Variants in PPP1R12C observed in about 807,000 individuals in gnomAD.
The protein encoded by PPP1R12C is protein phosphatase 1 regulatory subunit 12C, also known as leukocyte receptor cluster (LRC) encoded novel gene 3.
PPP1R12C carries 48 observed loss-of-function variants against 95.6 expected under a neutral mutation model. That is an observed-to-expected ratio of 0.50 (90% confidence interval 0.40 to 0.64). PPP1R12C has a LOEUF of 0.64. Among genes scored for constraint, PPP1R12C ranks in the 30% least tolerant of loss-of-function variants. The pLI, the probability that PPP1R12C is intolerant of heterozygous loss-of-function variation, is 0.00. For synonymous variants in PPP1R12C, 480 were observed against 460.8 expected (o/e 1.04, Z -0.53); for missense variants, 1,057 against 1,083.3 (o/e 0.98, Z 0.34).
At chr19:55,101,758 G>A (rs2084982166) in intron 4 of PPP1R12C, among the ~76,000 whole-genome samples, 1 of 152,170 alleles carries the variant, frequency 6.6e-6, no homozygotes, top group Admixed American at 6.5e-5. Flanking sequence ...TCAGGGATGG[G>A]CCCAGTCAGC....
At chr19:55,116,982 G>A (rs1444128953) in intron 1 of PPP1R12C, among the ~76,000 whole-genome samples, 1 of 152,142 alleles carries the variant, frequency 6.6e-6, no homozygotes, top group Non-Finnish European at 1.5e-5. Context: ...GAGGCCTGGG[G>A]CAGAGTGGTC....
chr19:55,091,426 G>T lies in PPP1R12C; in HGVS notation c.*46C>A. On this transcript the variant is annotated 3_prime_UTR_variant, in exon 22 of 22. Coordinates refer to ENST00000263433, the MANE Select transcript of PPP1R12C (RefSeq NM_017607.4). Reference sequence around the variant, plus strand: ...TTCACACGGGGGAAGGGGTGCGTGTGGCAGAAGCAGCTGTATAAATACGGG... The same window carrying T: ...TTCACACGGGGGAAGGGGTGCGTGTTGCAGAAGCAGCTGTATAAATACGGG... 6.4e-7 allele frequency: 1 copy of T among 1,553,586 alleles called. No homozygotes were observed. Among genetic ancestry groups the T allele is most frequent in the East Asian group, 2.3e-5 (1 of 44,054 alleles).
intron 13 of PPP1R12C, 32 bp from the exon 14 acceptor site, chr19:55,093,265 T>C: frequency 2.5e-6 from 4 of 1,599,078 alleles, no homozygotes; most frequent in Non-Finnish European, 3.4e-6. Flanking sequence ...CAGGGGACGC[T>C]GGGGTCAGGG....
At position 55,091,576 on chromosome 19, in the gene PPP1R12C, TCAGCTGGG is replaced by T. The variant is rs1392591897; in HGVS notation, c.2263-26_2263-19del. ...GACAGGGCCTGGGGGACGGCAAGGG[TCAGCTGGG>T]CAGCCCTGGCGGGTTGCACCCCCAC... On this transcript the variant is annotated intron_variant, in intron 21 of 21. Coordinates refer to ENST00000263433, the MANE Select transcript of PPP1R12C (RefSeq NM_017607.4). 6.2e-7 allele frequency: 1 copy of T among 1,612,608 alleles called. No homozygotes were observed. Among genetic ancestry groups the T allele is most frequent in the Admixed American group, 1.7e-5 (1 of 59,984 alleles).
chr19:55,091,489 T>C lies in PPP1R12C; in HGVS notation c.2332A>G (p.Ser778Gly). Residue 778 changes from serine (S) to glycine (G), a missense_variant, in exon 22 of 22, where the codon AGC (serine) becomes GGC (glycine). Coordinates refer to ENST00000263433, the MANE Select transcript of PPP1R12C (RefSeq NM_017607.4). The stretch of plus-strand genomic sequence containing the variant: ...CCTCCGGGTCACTTGGAGAGTTTGC[T>C]GATGACGCGGATCAACGCTGCATTC... Reference protein sequence around the residue: ...DENAALIRVISKLSK With the variant: ...DENAALIRVIGKLSK The C allele has an allele frequency of 6.2e-7, 1 of 1,614,050 alleles. No individual in the cohort carries two copies. Among genetic ancestry groups the C allele is most frequent in the Non-Finnish European group, 8.5e-7 (1 of 1,179,968 alleles).
chr19:55,117,631 G>A lies in PPP1R12C; in HGVS notation c.-88C>T. ...CCGCCCGCCCGCCCCGGGGGCCGCC[G>A]GGAACTGCCGCTGGCCCCCCACCGC... On this transcript the variant is annotated 5_prime_UTR_variant, in exon 1 of 22. Coordinates refer to ENST00000263433, the MANE Select transcript of PPP1R12C (RefSeq NM_017607.4). 5 of 777,006 alleles carry A rather than the reference G, an allele frequency of 6.4e-6. No individual in the cohort carries two copies. Among genetic ancestry groups the A allele is most frequent in the Non-Finnish European group, 7.4e-6 (5 of 675,972 alleles). 48.1% of individuals were successfully genotyped at this position (777,006 alleles called of 1,614,324 possible). A position where few individuals can be genotyped will look rare whatever the true frequency, so the allele number is the denominator to read the frequency against.
At chr19:55,095,963 A>G in intron 8 of PPP1R12C, 23 bp from the exon 9 acceptor site, 2 of 1,610,516 alleles carry the variant, frequency 1.2e-6, no homozygotes, top group Non-Finnish European at 1.7e-6. Context: ...AACACCGGGC[A>G]GGTCACAGAA....
intron 6 of PPP1R12C, 25 bp from the exon 7 acceptor site, chr19:55,096,360 G>A (rs2084912906): frequency 6.2e-7 from 1 of 1,610,536 alleles, no homozygotes; most frequent in South Asian, 1.1e-5. Context: ...GGGGGCTGCA[G>A]GGGAGGGGTG....
chr19:55,113,701 AG>A, intron 1 of PPP1R12C: 1 of 909,644 alleles, frequency 1.1e-6, no homozygotes. Flanking sequence ...AGGAGGCGGG[AG>A]GGAGCTACGA....
chr19:55,110,973 A>C (rs968755662), intron 3 of PPP1R12C, among the ~76,000 whole-genome samples: 1 of 152,020 alleles, frequency 6.6e-6, no homozygotes, highest in Non-Finnish European at 1.5e-5. Flanking sequence ...ATAGGAAAAA[A>C]TGTGTTTATG....
At position 55,117,398 on chromosome 19, in the gene PPP1R12C, A is replaced by T; in HGVS notation, c.146T>A (p.Phe49Tyr). ...CGCCAGGAACTCGGCGGCGCGCTCGAAGCGGACGGTGCGGGCGCGGCGCTC... is the reference window on the plus strand; with the variant it reads ...CGCCAGGAACTCGGCGGCGCGCTCGTAGCGGACGGTGCGGGCGCGGCGCTC... ...PGERRARTVRFERAAEFLAAC... is the reference protein window; with the variant it reads ...PGERRARTVRYERAAEFLAAC... Residue 49 changes from phenylalanine to tyrosine, a missense_variant, in exon 1 of 22, where the codon TTC becomes TAC. Phe to Tyr is a conservative substitution (Grantham distance 22, BLOSUM62 3). Coordinates refer to ENST00000263433, the MANE Select transcript of PPP1R12C (RefSeq NM_017607.4). 1 of 1,052,852 alleles carries T rather than the reference A, an allele frequency of 9.5e-7. No individual in the cohort carries two copies. Among genetic ancestry groups the T allele is most frequent in the Non-Finnish European group, 1.1e-6 (1 of 875,982 alleles). The allele number at this position is 1,052,852 out of a possible 1,614,324, so 65.2% of individuals were successfully genotyped here. A position where few individuals can be genotyped will look rare whatever the true frequency, so the allele number is the denominator to read the frequency against.
intron 20 of PPP1R12C, 64 bp from the exon 21 acceptor site, chr19:55,091,764 G>T: frequency 1.2e-6 from 2 of 1,612,422 alleles, no homozygotes; most frequent in Non-Finnish European, 1.7e-6. Flanking sequence ...AAGGCCAGGG[G>T]CCAGCTGGGA....
At chr19:55,100,862 T>C (rs1331884806) in intron 4 of PPP1R12C, among the ~76,000 whole-genome samples, 1 of 152,136 alleles carries the variant, frequency 6.6e-6, no homozygotes, top group African/African-American at 2.4e-5. Context: ...TCCGCCTGCC[T>C]CGACCTCCCA....
chr19:55,098,665 TAGC>T (rs749989445), intron 6 of PPP1R12C, 116 bp downstream of exon 6: 3 of 1,263,266 alleles, frequency 2.4e-6, no homozygotes, highest in Non-Finnish European at 3.4e-6. Flanking sequence ...AAGAGGGAAA[TAGC>T]AGGTCGCTGG....
chr19:55,112,710 G>C lies in PPP1R12C; in HGVS notation c.407C>G (p.Thr136Arg). ...TVNQADNEGW[T>R]PLHVAASCGY... is the part of the protein sequence containing the mutation. ...ACAGGAGGCGGCCACGTGCAGTGGC[G>C]TCCAGCCCTCGTTGTCTGCCTGGTT... The change falls in exon 2 of 22, where the codon ACG becomes AGG. Residue 136 changes from threonine (T) to arginine (R), a missense_variant. Physicochemically the swap from Thr to Arg is moderately conservative, Grantham distance 71. This residue lies in a region of PPP1R12C where 282 missense variants were observed against 380.4 expected (regional missense o/e 0.74). Transcript: ENST00000263433. The C allele has an allele frequency of 2.5e-6, 4 of 1,613,826 alleles. No homozygotes were observed. The highest frequency in any genetic ancestry group is 3.4e-6 in the Non-Finnish European group (4 of 1,179,984).
chr19:55,110,547 C>A (rs559994840), intron 3 of PPP1R12C, among the ~76,000 whole-genome samples: 1 of 152,284 alleles, frequency 6.6e-6, no homozygotes, highest in South Asian at 2.1e-4. Context: ...GCAGGAGATA[C>A]CTGCTGTGCA....
In PPP1R12C at chr19:55,091,839, T is replaced by C; in HGVS notation, c.2211+20A>G. 1 of 1,613,280 alleles carries C rather than the reference T, an allele frequency of 6.2e-7. No individual in the cohort carries two copies. Among genetic ancestry groups the C allele is most frequent in the East Asian group, 2.2e-5 (1 of 44,870 alleles). On this transcript the variant is annotated intron_variant, in intron 20 of 21. Transcript: ENST00000263433. ...AGGCTGGGGACGCCTCTGGCCCCCATCCCCACTGCCCCTACTCACGAATCT... is the reference window on the plus strand; with the variant it reads ...AGGCTGGGGACGCCTCTGGCCCCCACCCCCACTGCCCCTACTCACGAATCT...
chr19:55,104,280 C>A (rs1157837210), intron 3 of PPP1R12C, among the ~76,000 whole-genome samples: 1 of 141,024 alleles, frequency 7.1e-6, no homozygotes, highest in African/African-American at 2.8e-5. Flanking sequence ...TATGCATCTC[C>A]TATATATATA....
intron 6 of PPP1R12C, chr19:55,097,172 G>A (rs1276775481): frequency 4.4e-6 from 1 of 229,680 alleles, no homozygotes; most frequent in Admixed American, 9.0e-5. Context: ...CTTCCCTGCA[G>A]TTCACCACCG....
Sources: allele counts gnomAD v4.1 joint callset (sites outside exome capture counted in the v4.1 genomes callset), GRCh38; gene constraint gnomAD v4.1.1; regional missense constraint gnomAD v4.1.1; transcripts MANE v1.5; gene names NCBI Gene and HGNC (gene_info 2026-07-23, HGNC 2026-07-21).